ABAT: variants seen among roughly 807,000 people sequenced by gnomAD.
The protein encoded by ABAT is 4-aminobutyrate aminotransferase, mitochondrial.
In ABAT, 45 loss-of-function variants were observed where a neutral mutation model predicts 64.6. That is an observed-to-expected ratio of 0.70 (90% CI 0.55 to 0.89). ABAT has a LOEUF of 0.89. ABAT is among the 40% of genes least tolerant of loss of function. The pLI is 0.00. For missense variants in ABAT, 633 were observed against 658.4 expected (o/e 0.96, Z 0.42); for synonymous variants, 297 against 250.5 (o/e 1.19, Z -1.75).
intron 4 of ABAT, among the ~76,000 whole-genome samples, chr16:8,748,703 T>C (rs895426919): frequency 2.0e-5 from 3 of 152,170 alleles, no homozygotes; most frequent in Admixed American, 6.6e-5. Context: ...TATTCAGGGC[T>C]CTGTTTTTGG....
At chr16:8,756,725 C>G (rs1213835781) in intron 5 of ABAT, among the ~76,000 whole-genome samples, 1 of 152,190 alleles carries the variant, frequency 6.6e-6, no homozygotes, top group Admixed American at 6.5e-5. Context: ...ACAGCTGATT[C>G]GTTACATTAG....
At chr16:8,742,663 C>T (rs973435937) in intron 2 of ABAT, among the ~76,000 whole-genome samples, 32 of 151,994 alleles carry the variant, frequency 2.1e-4, no homozygotes, top group African/African-American at 7.7e-4. Context: ...TCAGGAGTTC[C>T]AGACCATCCT....
Position 8,774,969 on chromosome 16 carries a change from G to T in ABAT, c.1034G>T (p.Gly345Val). ...AAGTTCTGGGCCCATGAGCACTGGG[G>T]CCTGGATGACCCAGCAGACGTGATG... is the stretch of plus-strand genomic sequence containing the variant. ...TGKFWAHEHW[G>V]LDDPADVMTF... The change falls in exon 13 of 16, where the codon GGC becomes GTC. Residue 345 changes from glycine (G) to valine (V), a missense_variant. Physicochemically the swap from Gly to Val is moderately radical, Grantham distance 109. Coordinates refer to ENST00000268251, the MANE Select transcript of ABAT (RefSeq NM_020686.6). 6.2e-7 allele frequency: 1 copy of T among 1,614,204 alleles called. No individual in the cohort carries two copies. Among genetic ancestry groups the T allele is most frequent in the Non-Finnish European group, 8.5e-7 (1 of 1,180,032 alleles).
At chr16:8,677,932 G>A (rs758747667) in intron 1 of ABAT, among the ~76,000 whole-genome samples, 1 of 152,000 alleles carries the variant, frequency 6.6e-6, no homozygotes, top group East Asian at 1.9e-4. Flanking sequence ...GGTGGCATGC[G>A]CCTGTAGTCC....
At chr16:8,757,007 A>C (rs979340396) in intron 5 of ABAT, among the ~76,000 whole-genome samples, 1 of 152,138 alleles carries the variant, frequency 6.6e-6, no homozygotes, top group African/African-American at 2.4e-5. Flanking sequence ...AGGTGGCATC[A>C]CTACTCGCTC....
intron 1 of ABAT, among the ~76,000 whole-genome samples, chr16:8,718,283 A>T (rs560784400): frequency 6.6e-6 from 1 of 152,224 alleles, no homozygotes; most frequent in Non-Finnish European, 1.5e-5. Context: ...TTTATGGGAA[A>T]GAAAAGAAAT....
Position 8,745,938 on chromosome 16 carries a change from A to G in ABAT, c.71-63A>G. The stretch of plus-strand genomic sequence containing the variant: ...CTGTTAGGGACATTGGGCATCTGTC[A>G]GGGCAGAATCCTCATGATCTCTGCT... On this transcript the variant is annotated intron_variant, in intron 2 of 15. Transcript: ENST00000268251. 3 of 1,514,240 alleles carry G rather than the reference A, an allele frequency of 2.0e-6. No homozygotes were observed. In the East Asian group the frequency reaches 6.8e-5, roughly 34 times the overall value. 93.8% of individuals were successfully genotyped at this position (1,514,240 alleles called of 1,614,324 possible).
intron 1 of ABAT, among the ~76,000 whole-genome samples, chr16:8,714,347 A>C (rs1489216976): frequency 6.6e-6 from 1 of 152,194 alleles, no homozygotes; most frequent in Non-Finnish European, 1.5e-5. Context: ...TTTGAAACTC[A>C]GGGGAATGGA....
At chr16:8,716,727 C>G (rs1026630527) in intron 1 of ABAT, among the ~76,000 whole-genome samples, 10 of 152,224 alleles carry the variant, frequency 6.6e-5, no homozygotes, top group Non-Finnish European at 1.5e-4. Context: ...CTAGACTAAA[C>G]TACTTGTGCC....
At chr16:8,734,205 C>G (rs1337447590) in intron 1 of ABAT, among the ~76,000 whole-genome samples, 1 of 152,214 alleles carries the variant, frequency 6.6e-6, no homozygotes, top group African/African-American at 2.4e-5. Context: ...ATAAATCATG[C>G]TCCTAGCACC....
chr16:8,752,965 C>T (rs78009353), intron 5 of ABAT, among the ~76,000 whole-genome samples: 3,930 of 152,242 alleles, frequency 0.026, 160 homozygotes, highest in African/African-American at 0.089. Context: ...GTAGGGTCTT[C>T]TAACATCACC....
At chr16:8,740,368 G>T (rs1484355698) in intron 2 of ABAT, among the ~76,000 whole-genome samples, 1 of 152,236 alleles carries the variant, frequency 6.6e-6, no homozygotes, top group Non-Finnish European at 1.5e-5. Context: ...GCTGTCAGCT[G>T]GGGCTGTGGT....
At chr16:8,743,439 A>ATATATATATATATATATATATATG (rs2059229462) in intron 2 of ABAT, among the ~76,000 whole-genome samples, 1 of 88,826 alleles carries the variant, frequency 1.1e-5, no homozygotes, top group African/African-American at 3.8e-5. Context: ...ATATATATAT[A>ATATATATATATATATATATATATG]TATATACACA....
At chr16:8,724,724 G>A (rs1166449166) in intron 1 of ABAT, among the ~76,000 whole-genome samples, 1 of 118,186 alleles carries the variant, frequency 8.5e-6, no homozygotes, top group Non-Finnish European at 1.7e-5. Context: ...GCCAGACCTT[G>A]TCTCAGGAAA....
At chr16:8,711,419 G>T (rs942159123) in intron 1 of ABAT, among the ~76,000 whole-genome samples, 1 of 152,184 alleles carries the variant, frequency 6.6e-6, no homozygotes, top group Non-Finnish European at 1.5e-5. Context: ...CCGTGGCGTG[G>T]TGGTGAAGGA....
At chr16:8,689,065 G>T (rs986604292) in intron 1 of ABAT, among the ~76,000 whole-genome samples, 1 of 148,748 alleles carries the variant, frequency 6.7e-6, no homozygotes, top group Non-Finnish European at 1.5e-5. Context: ...GGGTGATAGA[G>T]TGAGACCCTG....
At chr16:8,701,004 C>A (rs891634961) in intron 1 of ABAT, among the ~76,000 whole-genome samples, 1 of 149,470 alleles carries the variant, frequency 6.7e-6, no homozygotes, top group Non-Finnish European at 1.5e-5. Context: ...GTGCTGCAAT[C>A]TTGGCTCACT....
Position 8,774,936 on chromosome 16 carries a change from G to C in ABAT, c.1001G>C (p.Cys334Ser), listed in dbSNP as rs751107041. Residue 334 changes from cysteine to serine, a missense_variant, in exon 13 of 16, where the codon TGC becomes TCC. Coordinates refer to ENST00000268251, the MANE Select transcript of ABAT (RefSeq NM_020686.6). ...LVDEVQTGGG[C>S]TGKFWAHEHW... ...GACGAGGTCCAGACCGGAGGAGGCTGCACGGGCAAGTTCTGGGCCCATGAG... is the reference window on the plus strand; with the variant it reads ...GACGAGGTCCAGACCGGAGGAGGCTCCACGGGCAAGTTCTGGGCCCATGAG... 2.5e-6 allele frequency: 4 copies of C among 1,614,192 alleles called. No individual in the cohort carries two copies. The highest frequency in any genetic ancestry group is 3.4e-6 in the Non-Finnish European group (4 of 1,180,030).
chr16:8,749,674 G>A (rs897429277), intron 4 of ABAT, among the ~76,000 whole-genome samples: 38 of 151,960 alleles, frequency 2.5e-4, no homozygotes, highest in African/African-American at 6.3e-4. Context: ...GGGATTACAG[G>A]CGTGAGCCAC....
Sources: allele counts gnomAD v4.1 joint callset (sites outside exome capture counted in the v4.1 genomes callset), GRCh38; gene constraint gnomAD v4.1.1; transcripts MANE v1.5; gene names NCBI Gene and HGNC (gene_info 2026-07-23, HGNC 2026-07-21).